Variants in NETO1 observed in about 807,000 individuals in gnomAD.
NETO1 encodes neuropilin and tolloid like 1.
Under a neutral mutation model 61.3 loss-of-function variants are expected in NETO1, and 26 were observed. The ratio of observed to expected loss-of-function variants is 0.42; its 90% CI spans 0.31 to 0.59. The LOEUF (loss-of-function observed/expected upper bound fraction) is 0.59, where lower values mean the gene tolerates loss of function less well. Among genes scored for constraint, NETO1 ranks in the 20% least tolerant of loss-of-function variants. NETO1 has a pLI of 0.12. For missense variants in NETO1, 531 were observed against 662.8 expected (o/e 0.80, Z 2.18); for synonymous variants, 225 against 225.8 (o/e 1.00, Z 0.03).
In NETO1 at chr18:72,830,393, C is replaced by T. The variant is rs113596041; in HGVS notation, c.469+28433G>A. On this transcript the variant is annotated intron_variant, in intron 4 of 10. Transcript: ENST00000327305. This position sits in a 1 kb window ranked among gnomAD's most constrained non-coding sequence, Gnocchi z 4.9. Reference sequence around the variant, plus strand: ...GCCACAACTTCAGAGACATCAGTAGCGCCACATGTGTTTTCAGAAAAATTT... The same window carrying T: ...GCCACAACTTCAGAGACATCAGTAGTGCCACATGTGTTTTCAGAAAAATTT... Among the ~76,000 whole-genome samples, 66 of 152,262 alleles carry T rather than the reference C, an allele frequency of 4.3e-4. No homozygotes were observed. The highest frequency in any genetic ancestry group is 9.4e-4 in the African/African-American group (39 of 41,550).
chr18:72,866,342 T>C (rs8086323), intron 1 of NETO1, among the ~76,000 whole-genome samples: 4,070 of 152,262 alleles, frequency 0.027, 181 homozygotes, highest in African/African-American at 0.093. Flanking sequence ...ATATTGTCAA[T>C]TGTGTGTTAC....
In NETO1 at chr18:72,800,410, G is replaced by A. The variant is rs151164020; in HGVS notation, c.470-6006C>T. ...TCTTTGTGAAGCAGGGTTTTCTGCA[G>A]TGACAGTAACCGAAATGAGATCAGA... On this transcript the variant is annotated intron_variant, in intron 4 of 10. Coordinates refer to ENST00000327305, the MANE Select transcript of NETO1 (RefSeq NM_138966.5). Among the ~76,000 whole-genome samples the A allele has an allele frequency of 2.2e-3, 339 of 152,246 alleles. 4 individuals are homozygous for A. Among genetic ancestry groups the A allele is most frequent in the African/African-American group, 7.8e-3 (326 of 41,534 alleles).
intron 4 of NETO1, among the ~76,000 whole-genome samples, chr18:72,839,064 C>T (rs1367538820): frequency 2.0e-5 from 3 of 152,094 alleles, no homozygotes; most frequent in African/African-American, 4.8e-5. Flanking sequence ...CATTCACAAC[C>T]GCTTGACCTT....
intron 4 of NETO1, among the ~76,000 whole-genome samples, chr18:72,842,392 GATT>G (rs1320251266): frequency 2.0e-5 from 3 of 151,998 alleles, no homozygotes; most frequent in South Asian, 4.1e-4. Context: ...TGCTAATATT[GATT>G]ATTATTTTTG....
intron 7 of NETO1, among the ~76,000 whole-genome samples, chr18:72,765,529 G>A (rs146438039): frequency 7.9e-4 from 120 of 151,968 alleles, no homozygotes; most frequent in Middle Eastern, 3.4e-3. Context: ...AGCAATTCTC[G>A]TGTCTCAGCC....
At chr18:72,751,688 G>T (rs2070623172) in intron 8 of NETO1, among the ~76,000 whole-genome samples, 1 of 152,188 alleles carries the variant, frequency 6.6e-6, no homozygotes, top group Admixed American at 6.5e-5. Flanking sequence ...GCTGCCTGGA[G>T]TGGCAAGTTG....
At chr18:72,791,903 CT>C (rs2072132041) in intron 6 of NETO1, among the ~76,000 whole-genome samples, 1 of 152,192 alleles carries the variant, frequency 6.6e-6, no homozygotes, top group East Asian at 1.9e-4. Flanking sequence ...TGAGCAACAG[CT>C]TTTGACTTAA....
Position 72,783,751 on chromosome 18 carries a change from C to T in NETO1, c.795G>A (p.Gly265=), listed in dbSNP as rs1460057244. Residue 265 remains glycine, a synonymous_variant, in exon 7 of 11, where the codon GGG becomes GGA. Coordinates refer to ENST00000327305, the MANE Select transcript of NETO1 (RefSeq NM_138966.5). The part of the protein sequence containing the change: ...ANDVMLRTGL[G]VIRMWADEGS... ...CCTCATCTGCCCACATGCGGATCAC[C>T]CCAAGACCCGTGCGTAGCATGACAT... 2 of 1,614,142 alleles carry T rather than the reference C, an allele frequency of 1.2e-6. No homozygotes were observed. Among genetic ancestry groups the T allele is most frequent in the Non-Finnish European group, 1.7e-6 (2 of 1,180,018 alleles).
chr18:72,837,918 C>T (rs148702025), intron 4 of NETO1, among the ~76,000 whole-genome samples: 92 of 151,718 alleles, frequency 6.1e-4, no homozygotes, highest in African/African-American at 2.1e-3. Context: ...GGTATCTCTA[C>T]AATAGCTACA....
chr18:72,855,897 A>T (rs182239757), intron 4 of NETO1, among the ~76,000 whole-genome samples: 4 of 152,292 alleles, frequency 2.6e-5, no homozygotes, highest in African/African-American at 9.6e-5. Context: ...TATACATCTC[A>T]ACTTCAATAC....
chr18:72,866,913 T>G, intron 1 of NETO1: 1 of 502,606 alleles, frequency 2.0e-6, no homozygotes, highest in Non-Finnish European at 2.9e-6. Flanking sequence ...CTGGCCCCAC[T>G]AGGTATCATC....
intron 7 of NETO1, among the ~76,000 whole-genome samples, chr18:72,781,130 C>G (rs1294529997): frequency 1.3e-5 from 2 of 152,174 alleles, no homozygotes; most frequent in East Asian, 3.9e-4. Flanking sequence ...TATCATATGT[C>G]TCTATTATAT....
chr18:72,866,111 T>C (rs905737041), intron 1 of NETO1, among the ~76,000 whole-genome samples: 2 of 152,194 alleles, frequency 1.3e-5, no homozygotes, highest in Non-Finnish European at 1.5e-5. Flanking sequence ...AAATAGTAAG[T>C]AAGCTAGTCT....
At chr18:72,839,191 T>A (rs1196100183) in intron 4 of NETO1, among the ~76,000 whole-genome samples, 1 of 152,156 alleles carries the variant, frequency 6.6e-6, no homozygotes, top group East Asian at 1.9e-4. Context: ...CTACTGAGTA[T>A]GAAATGAAGA....
At chr18:72,863,774 T>C (rs1464207147) in intron 3 of NETO1, among the ~76,000 whole-genome samples, 1 of 152,144 alleles carries the variant, frequency 6.6e-6, no homozygotes, top group Admixed American at 6.5e-5. Context: ...AAAGTGCATC[T>C]ATCTTTATCA....
chr18:72,742,694 G>C (rs369712797), downstream of NETO1: 1 of 152,134 alleles, frequency 6.6e-6, no homozygotes, highest in Non-Finnish European at 1.5e-5. Flanking sequence ...GGTTGGTGAG[G>C]TTGGCTTCAA....
intron 4 of NETO1, among the ~76,000 whole-genome samples, chr18:72,839,619 A>AGCT (rs1455822984): frequency 9.8e-5 from 1 of 10,202 alleles, no homozygotes; most frequent in African/African-American, 1.9e-4. Flanking sequence ...ATTTCAATAA[A>AGCT]ACTCATTTGC....
chr18:72,794,654 T>C (rs996689018), intron 4 of NETO1, among the ~76,000 whole-genome samples: 1 of 152,208 alleles, frequency 6.6e-6, no homozygotes, highest in Non-Finnish European at 1.5e-5. Context: ...TTTTTTCTAA[T>C]GCCTTTCCTG....
intron 4 of NETO1, among the ~76,000 whole-genome samples, chr18:72,797,226 A>G (rs1012916089): frequency 1.3e-5 from 2 of 152,028 alleles, no homozygotes; most frequent in African/African-American, 2.4e-5. Flanking sequence ...TTGATACTCT[A>G]TTTTCTAGTT....
Sources: allele counts gnomAD v4.1 joint callset (sites outside exome capture counted in the v4.1 genomes callset), GRCh38; gene constraint gnomAD v4.1.1; non-coding constraint Gnocchi (gnomAD v3.1); transcripts MANE v1.5; gene names NCBI Gene and HGNC (gene_info 2026-07-23, HGNC 2026-07-21).